CIT: variants seen among roughly 807,000 people sequenced by gnomAD.
CIT encodes the protein citron rho-interacting serine/threonine kinase.
Under a neutral mutation model 272.7 loss-of-function variants are expected in CIT, and 79 were observed. That is an observed-to-expected ratio of 0.29 (90% CI 0.24 to 0.35). The LOEUF is 0.35. Among genes scored for constraint, CIT ranks in the 10% least tolerant of loss-of-function variants. CIT has a pLI of 1.00. For synonymous variants in CIT, 948 were observed against 995.6 expected, an observed-to-expected ratio of 0.95 and a Z score of 0.90; for missense variants, 1,909 against 2,618.3, an observed-to-expected ratio of 0.73 and a Z score of 5.91.
chr12:119,699,668 A>C, intron 44 of CIT: 1 of 391,186 alleles, frequency 2.6e-6, no homozygotes, highest in Non-Finnish European at 5.2e-6. Context: ...TATGGCCAGC[A>C]CTCATTGCGT....
intron 40 of CIT, among the ~76,000 whole-genome samples, chr12:119,707,960 CCTTT>C (rs1474012493): frequency 1.3e-5 from 2 of 152,198 alleles, no homozygotes. Context: ...CCTCTGTCTT[CCTTT>C]ATCTCCCTAG....
chr12:119,772,469 A>G (rs1963276546), intron 17 of CIT, among the ~76,000 whole-genome samples: 1 of 152,168 alleles, frequency 6.6e-6, no homozygotes, highest in Non-Finnish European at 1.5e-5. Context: ...AGAAAAAACC[A>G]GTGATGGAGC....
chr12:119,828,055 A>G (rs377357541), intron 7 of CIT, among the ~76,000 whole-genome samples: 2 of 152,212 alleles, frequency 1.3e-5, no homozygotes, highest in African/African-American at 4.8e-5. Flanking sequence ...GCCAAACAGT[A>G]TGAATTGCCA....
intron 2 of CIT, among the ~76,000 whole-genome samples, chr12:119,873,485 G>A (rs2138428425): frequency 6.6e-6 from 1 of 151,848 alleles, no homozygotes; most frequent in South Asian, 2.1e-4. Context: ...TCACCATGTT[G>A]CCCGGGCTGC....
intron 3 of CIT, 22 bp from the exon 4 acceptor site, chr12:119,857,720 G>A (rs1593975918): frequency 6.3e-7 from 1 of 1,592,062 alleles, no homozygotes; most frequent in Non-Finnish European, 8.6e-7. Flanking sequence ...GCAAGAGTTA[G>A]CCCCAGGTAA....
intron 3 of CIT, among the ~76,000 whole-genome samples, chr12:119,862,507 G>C (rs1950370977): frequency 6.6e-6 from 1 of 151,848 alleles, no homozygotes; most frequent in South Asian, 2.1e-4. Flanking sequence ...GTAATCCCCA[G>C]TGTAATACTA....
At chr12:119,689,709 G>A (rs1021975234) in intron 47 of CIT, among the ~76,000 whole-genome samples, 1 of 109,562 alleles carries the variant, frequency 9.1e-6, no homozygotes, top group East Asian at 3.0e-4. Flanking sequence ...ACAGAGTCTC[G>A]CTCTGTCACC....
intron 18 of CIT, 88 bp from the exon 19 acceptor site, chr12:119,767,270 TACAGGTACC>T: frequency 9.8e-7 from 1 of 1,022,986 alleles, no homozygotes; most frequent in East Asian, 2.5e-5. Flanking sequence ...ATGACTTTGG[TACAGGTACC>T]ACAGGTAACG....
At chr12:119,820,505 G>C (rs1335400130) in intron 9 of CIT, among the ~76,000 whole-genome samples, 1 of 152,016 alleles carries the variant, frequency 6.6e-6, no homozygotes, top group South Asian at 2.1e-4. Flanking sequence ...AGCCGAGATC[G>C]TGCCACCACA....
chr12:119,806,351 T>C (rs2906120), intron 9 of CIT, among the ~76,000 whole-genome samples: 1 of 151,850 alleles, frequency 6.6e-6, no homozygotes, highest in Non-Finnish European at 1.5e-5. Context: ...CAAAAAGAAG[T>C]GGGGGAACTG....
At chr12:119,795,366 A>G (rs7976561) in intron 10 of CIT, among the ~76,000 whole-genome samples, 2,490 of 152,286 alleles carry the variant, frequency 0.016, 70 homozygotes, top group African/African-American at 0.057. Flanking sequence ...CAGCGTGGGC[A>G]ACAGAATGAG....
At chr12:119,826,701 G>A (rs1469962490) in intron 7 of CIT, among the ~76,000 whole-genome samples, 1 of 152,134 alleles carries the variant, frequency 6.6e-6, no homozygotes, top group Non-Finnish European at 1.5e-5. Flanking sequence ...ATCATAATGG[G>A]CTTCTCTCAG....
intron 4 of CIT, among the ~76,000 whole-genome samples, chr12:119,855,237 G>A (rs563937425): frequency 1.1e-4 from 17 of 151,958 alleles, no homozygotes; most frequent in African/African-American, 3.1e-4. Context: ...CCTGGCTAAC[G>A]AGGTAAAACC....
At chr12:119,782,478 A>C (rs440299) in intron 13 of CIT, 40 bp downstream of exon 13, 1 of 1,602,500 alleles carries the variant, frequency 6.2e-7, no homozygotes, top group African/African-American at 1.3e-5. Context: ...AGGTCCAAGC[A>C]AGCCGAGATG....
chr12:119,845,475 A>C (rs991281327), intron 5 of CIT, among the ~76,000 whole-genome samples: 12 of 151,798 alleles, frequency 7.9e-5, no homozygotes, highest in African/African-American at 2.9e-4. Flanking sequence ...CAACATGGTG[A>C]AACCCTGTCT....
rs576886770 is a variant in CIT, at chr12:119,729,246, G to C, written c.3487-640C>G. Among the ~76,000 whole-genome samples, 105 of 152,198 alleles carry C rather than the reference G, an allele frequency of 6.9e-4. 1 individual carries two copies. Among genetic ancestry groups the C allele is most frequent in the African/African-American group, 2.4e-3 (101 of 41,532 alleles). The stretch of plus-strand genomic sequence containing the variant: ...GCTCTAATAAATCTAGTTTCCTCAT[G>C]CTTAAAAAAAATGGTAACCCAGTTT... On this transcript the variant is annotated intron_variant, in intron 27 of 47. Transcript: ENST00000392521.
At chr12:119,833,701 C>T (rs1035157798) in intron 6 of CIT, among the ~76,000 whole-genome samples, 2 of 148,918 alleles carry the variant, frequency 1.3e-5, no homozygotes, top group Non-Finnish European at 3.0e-5. Flanking sequence ...TAAATTCTAA[C>T]GGGCAGAGTT....
intron 12 of CIT, 100 bp from the exon 13 acceptor site, chr12:119,782,737 C>T: frequency 7.0e-7 from 1 of 1,425,370 alleles, no homozygotes. Context: ...GACACCAGGA[C>T]AGTTTCGAGT....
chr12:119,875,988 A>G (rs1040363283), intron 2 of CIT, 85 bp downstream of exon 2: 2 of 858,392 alleles, frequency 2.3e-6, no homozygotes, highest in Non-Finnish European at 3.8e-6. Context: ...TAAATAAATA[A>G]ACAAATAAAT....
Sources: allele counts gnomAD v4.1 joint callset (sites outside exome capture counted in the v4.1 genomes callset), GRCh38; gene constraint gnomAD v4.1.1; transcripts MANE v1.5; gene names NCBI Gene and HGNC (gene_info 2026-07-23, HGNC 2026-07-21).